Variants in YTHDF2 observed in about 807,000 individuals in gnomAD.
YTHDF2 encodes the protein YTH domain-containing family protein 2.
YTHDF2 carries 2 observed loss-of-function variants against 50.4 expected under a neutral mutation model. That is an observed-to-expected ratio of 0.04 (90% CI 0.02 to 0.12). The LOEUF is 0.12. YTHDF2 is among the 10% of genes least tolerant of loss of function. YTHDF2 has a pLI of 1.00. For synonymous variants in YTHDF2, 217 were observed against 255.6 expected (o/e 0.85, Z 1.44); for missense variants, 483 against 722.6 (o/e 0.67, Z 3.80).
chr1:28,737,690 C>G lies in YTHDF2; in HGVS notation c.52+8C>G. 6.2e-7 allele frequency: 1 copy of G among 1,613,602 alleles called. No individual in the cohort carries two copies. Among genetic ancestry groups the G allele is most frequent in the Non-Finnish European group, 8.5e-7 (1 of 1,179,794 alleles). ...AAGGTCAAGGAAACAAAGGTAAGTC[C>G]CGCTCCGCCGGTGGCCCTGAGCCGG... On this transcript the variant is annotated splice_region_variant and intron_variant, in intron 2 of 4. Transcript: ENST00000373812.
intron 4 of YTHDF2, among the ~76,000 whole-genome samples, chr1:28,758,497 T>A (rs1035012328): frequency 6.6e-6 from 1 of 152,166 alleles, no homozygotes; most frequent in African/African-American, 2.4e-5. Flanking sequence ...TCAGTTTTAA[T>A]TTTCCCATCA....
chr1:28,744,335 GTC>G (rs1321966615), intron 4 of YTHDF2, among the ~76,000 whole-genome samples: 2 of 152,224 alleles, frequency 1.3e-5, no homozygotes, highest in African/African-American at 4.8e-5. Context: ...AGAAGATTGA[GTC>G]TATAATATGG....
chr1:28,765,033 C>A (rs2088196212), intron 4 of YTHDF2, among the ~76,000 whole-genome samples: 1 of 152,044 alleles, frequency 6.6e-6, no homozygotes, highest in Admixed American at 6.6e-5. Context: ...GTAAGGCCCT[C>A]TGTTCCTGGT....
rs1285778178 is a variant in YTHDF2 at position 28,736,955 on chromosome 1, C to G, written c.-166C>G. The G allele has an allele frequency of 5.1e-6, 4 of 788,222 alleles. No homozygotes were observed. The highest frequency in any genetic ancestry group is 2.9e-5 in the East Asian group (1 of 34,252). The allele number at this position is 788,222 out of a possible 1,614,324, so 48.8% of individuals were successfully genotyped here. The stretch of plus-strand genomic sequence containing the variant: ...CTCTTGGGCTAGAGCGTCGCCGAGT[C>G]GGAGCCGGAGCCTGAGCCGCGCGCT... On this transcript the variant is annotated 5_prime_UTR_variant, in exon 1 of 5. Coordinates refer to ENST00000373812, the MANE Select transcript of YTHDF2 (RefSeq NM_016258.3).
chr1:28,742,667 G>T lies in YTHDF2; in HGVS notation c.397G>T (p.Ala133Ser). ...CTTTCCCAGTGGGATTGACTTCTCA[G>T]CATGGGGAAATAACAGTTCTCAGGG... ...NFFPSGIDFS[A>S]WGNNSSQGQS... is the part of the protein sequence containing the mutation. Residue 133 changes from alanine (A) to serine (S), a missense_variant, in exon 4 of 5, where the codon GCA becomes TCA. Ala to Ser is a moderately conservative substitution (Grantham distance 99). Transcript: ENST00000373812. 6.2e-7 allele frequency: 1 copy of T among 1,614,126 alleles called. No individual in the cohort carries two copies. The highest frequency in any genetic ancestry group is 1.1e-5 in the South Asian group (1 of 91,088).
intron 4 of YTHDF2, among the ~76,000 whole-genome samples, chr1:28,760,271 TTGTGTGTGTGTGTGTGTGTGTG>T (rs28969505): frequency 1.5e-4 from 22 of 147,362 alleles, no homozygotes; most frequent in East Asian, 1.5e-3. Context: ...ACATAGTAGG[TTGTGTGTGTGTGTGTGTGTGTG>T]TGTGTGTGTG....
Position 28,737,111 on chromosome 1 carries a change from T to G in YTHDF2, c.-10T>G. ...TCGCCGCCGTCGCCGCCCGTGAGGA[T>G]CTGAGAGCCATGTCGGCCAGCAGCC... On this transcript the variant is annotated 5_prime_UTR_variant, in exon 1 of 5. Coordinates refer to ENST00000373812, the MANE Select transcript of YTHDF2 (RefSeq NM_016258.3). The G allele has an allele frequency of 6.3e-7, 1 of 1,597,866 alleles. No homozygotes were observed. The highest frequency in any genetic ancestry group is 8.5e-7 in the Non-Finnish European group (1 of 1,174,236).
In YTHDF2 at chr1:28,738,252, T is replaced by C; in HGVS notation, c.53-7T>C. 6.2e-7 allele frequency: 1 copy of C among 1,611,962 alleles called. No homozygotes were observed. Among genetic ancestry groups the C allele is most frequent in the Non-Finnish European group, 8.5e-7 (1 of 1,178,212 alleles). ...GGACACTCCTAATTGAATTTTTTTT[T>C]CTTTAGTACAAAATGGATCTGTACA... On this transcript the variant is annotated splice_region_variant and splice_polypyrimidine_tract_variant and intron_variant, in intron 2 of 4. Coordinates refer to ENST00000373812, the MANE Select transcript of YTHDF2 (RefSeq NM_016258.3).
At chr1:28,753,654 C>T (rs7520756) in intron 4 of YTHDF2, among the ~76,000 whole-genome samples, 92,235 of 151,286 alleles carry the variant, frequency 0.61, 29,182 homozygotes, top group African/African-American at 0.75. Flanking sequence ...TAAGTGATAA[C>T]GCTGGAGAGA....
intron 4 of YTHDF2, among the ~76,000 whole-genome samples, chr1:28,767,056 G>A (rs2088230279): frequency 6.7e-6 from 1 of 148,882 alleles, no homozygotes; most frequent in South Asian, 2.1e-4. Context: ...TGGCCAGGCT[G>A]GTCTTGAACT....
At chr1:28,756,222 GA>G (rs1445509580) in intron 4 of YTHDF2, among the ~76,000 whole-genome samples, 2 of 152,188 alleles carry the variant, frequency 1.3e-5, no homozygotes, top group Admixed American at 6.5e-5. Context: ...AAAAATGTCT[GA>G]AATACAGAGT....
At chr1:28,750,231 C>T (rs576006882) in intron 4 of YTHDF2, among the ~76,000 whole-genome samples, 10 of 151,938 alleles carry the variant, frequency 6.6e-5, no homozygotes, top group Admixed American at 3.9e-4. Context: ...CTTTGTGATC[C>T]GCCTGGCTTG....
chr1:28,739,191 A>G (rs2087740777), intron 3 of YTHDF2: 1 of 152,194 alleles, frequency 6.6e-6, no homozygotes, highest in Admixed American at 6.5e-5. Context: ...TGGTGACAGA[A>G]CAAGATCTGG....
chr1:28,761,260 A>G (rs2088125767), intron 4 of YTHDF2, among the ~76,000 whole-genome samples: 1 of 150,328 alleles, frequency 6.7e-6, no homozygotes, highest in Non-Finnish European at 1.5e-5. Context: ...GCAGCCTTCT[A>G]AGTAGCTGGG....
intron 4 of YTHDF2, among the ~76,000 whole-genome samples, chr1:28,752,530 G>A (rs1231473291): frequency 6.6e-6 from 1 of 152,174 alleles, no homozygotes; most frequent in Non-Finnish European, 1.5e-5. Flanking sequence ...CCCTGACCTT[G>A]TGATCTGCCT....
intron 3 of YTHDF2, among the ~76,000 whole-genome samples, chr1:28,740,780 T>C (rs1480352301): frequency 1.3e-5 from 2 of 151,470 alleles, no homozygotes; most frequent in African/African-American, 4.9e-5. Flanking sequence ...CTCGGCTCAC[T>C]GCAACCTTCA....
At chr1:28,753,926 C>G (rs886090671) in intron 4 of YTHDF2, among the ~76,000 whole-genome samples, 2 of 152,026 alleles carry the variant, frequency 1.3e-5, no homozygotes, top group Non-Finnish European at 2.9e-5. Flanking sequence ...AGGCTGGTCT[C>G]AAACTCCTGA....
In YTHDF2 at chr1:28,742,435, C is replaced by A; in HGVS notation, c.165C>A (p.Tyr55Ter). 2 of 1,586,924 alleles carry A rather than the reference C, an allele frequency of 1.3e-6. No homozygotes were observed. The highest frequency in any genetic ancestry group is 8.6e-7 in the Non-Finnish European group (1 of 1,169,306). ...CATATACTGCCATGTCAGATTCCTA[C>A]TTACCCAGTTACTACAGTCCCTCCA... ...NNAYTAMSDS[Y>*]LPSYYSPSIG... The change falls in exon 4 of 5, where the codon TAC becomes TAA. Residue 55 changes from tyrosine to a stop codon, truncating the protein, a stop_gained. Transcript: ENST00000373812. LOFTEE classifies it high-confidence loss of function.
At chr1:28,742,246 C>G (rs1347455891) in intron 3 of YTHDF2, among the ~76,000 whole-genome samples, 157 bp from the exon 4 acceptor site, 1 of 152,058 alleles carries the variant, frequency 6.6e-6, no homozygotes, top group African/African-American at 2.4e-5. Context: ...CCACCCGCCT[C>G]CACCTCCCAA....
Sources: gnomAD v4.1 joint callset for allele counts (sites outside exome capture counted in the v4.1 genomes callset) on GRCh38, gnomAD v4.1.1 for gene constraint, MANE v1.5 for transcripts, NCBI Gene and HGNC (gene_info 2026-07-23, HGNC 2026-07-21) for gene names.